NUP160: variants seen among roughly 807,000 people sequenced by gnomAD.
The protein encoded by NUP160 is nucleoporin 160.
A neutral mutation model predicts 196.9 loss-of-function variants in NUP160; 94 were observed. The ratio of observed to expected loss-of-function variants is 0.48; its 90% CI spans 0.40 to 0.57. The LOEUF (loss-of-function observed/expected upper bound fraction) is 0.57. Ranked by LOEUF, NUP160 falls within the 20% of genes least tolerant of loss-of-function variation. The probability of loss-of-function intolerance (pLI) is 0.00; values close to 1 mark genes in which losing one functional copy is unlikely to be tolerated. For synonymous variants in NUP160, 605 were observed against 619.7 expected, an observed-to-expected ratio of 0.98 and a Z score of 0.35; for missense variants, 1,638 against 1,748.3, an observed-to-expected ratio of 0.94 and a Z score of 1.13.
chr11:47,792,944 C>T, exon 28 of NUP160: 1 of 1,611,194 alleles, frequency 6.2e-7, no homozygotes, highest in Non-Finnish European at 8.5e-7. Context: ...ATCACTGTGC[C>T]AGCTATGAGG....
intron 31 of NUP160, 31 bp from the exon 32 acceptor site, chr11:47,786,585 C>T (rs746195981): frequency 1.5e-6 from 2 of 1,333,778 alleles, no homozygotes; most frequent in South Asian, 1.2e-5. Flanking sequence ...CACTTGAAAA[C>T]TGAACGCTGA....
chr11:47,817,613 G>A (rs1344402121), intron 11 of NUP160, among the ~76,000 whole-genome samples: 1 of 152,160 alleles, frequency 6.6e-6, no homozygotes, highest in Non-Finnish European at 1.5e-5. Context: ...CCGAAGTGCT[G>A]GGATTACAGG....
At chr11:47,792,901 A>T (rs1236477436) in exon 28 of NUP160, 1 of 1,613,970 alleles carries the variant, frequency 6.2e-7, no homozygotes, top group African/African-American at 1.3e-5. Context: ...GAGAGTTCGA[A>T]CTTCTCTGCC....
intron 2 of NUP160, chr11:47,841,319 T>TA: frequency 3.2e-6 from 1 of 316,962 alleles, no homozygotes; most frequent in Non-Finnish European, 6.5e-6. Context: ...ACTTCAGCCA[T>TA]AAAAATGGGC....
intron 7 of NUP160, among the ~76,000 whole-genome samples, chr11:47,822,498 C>A (rs554482977): frequency 4.0e-5 from 6 of 151,760 alleles, no homozygotes; most frequent in African/African-American, 1.5e-4. Flanking sequence ...CTTCATGATG[C>A]GCCTGCCTCG....
At position 47,780,444 on chromosome 11, in the gene NUP160, GAAACTAAAAGGAAAATGTTTATTTGA is replaced by G. The variant is rs1565183513; in HGVS notation, c.4117-23_4119del. 1 of 1,604,336 alleles carries G rather than the reference GAAACTAAAAGGAAAATGTTTATTTGA, an allele frequency of 6.2e-7. No individual in the cohort carries two copies. Among genetic ancestry groups the G allele is most frequent in the Non-Finnish European group, 8.5e-7 (1 of 1,171,384 alleles). On this transcript the variant is annotated splice_acceptor_variant and splice_polypyrimidine_tract_variant and coding_sequence_variant and intron_variant, in exon 35 of 36. Coordinates refer to ENST00000378460, the Ensembl canonical transcript of NUP160. LOFTEE classifies it high-confidence loss of function. ...ACCATTGGGGCTGTTGCGGACAGTG[GAAACTAAAAGGAAAATGTTTATTTGA>G]AAACAGTCTGCAAAGTGTACCATTT...
chr11:47,819,982 C>A (rs1308660003), intron 9 of NUP160, among the ~76,000 whole-genome samples: 1 of 152,226 alleles, frequency 6.6e-6, no homozygotes, highest in Admixed American at 6.5e-5. Context: ...GACTACTTTG[C>A]TCAAATGCCA....
intron 32 of NUP160, among the ~76,000 whole-genome samples, chr11:47,786,035 A>T (rs558391898): frequency 2.6e-5 from 4 of 152,330 alleles, no homozygotes; most frequent in African/African-American, 9.6e-5. Context: ...ATAGTGGATG[A>T]TGGGGGCTGA....
intron 7 of NUP160, among the ~76,000 whole-genome samples, chr11:47,830,169 T>C (rs1014907006): frequency 3.3e-5 from 5 of 152,132 alleles, no homozygotes; most frequent in African/African-American, 1.2e-4. Flanking sequence ...TGAGATACCA[T>C]CGCACAGCAG....
intron 7 of NUP160, among the ~76,000 whole-genome samples, chr11:47,826,895 T>A (rs1198805960): frequency 6.6e-6 from 1 of 152,122 alleles, no homozygotes; most frequent in East Asian, 1.9e-4. Flanking sequence ...CTGCATTATT[T>A]GCCTTTTTCA....
intron 28 of NUP160, 157 bp from the exon 29 acceptor site, chr11:47,792,147 G>C (rs1649053111): frequency 1.1e-5 from 6 of 560,540 alleles, no homozygotes; most frequent in Non-Finnish European, 1.9e-5. Context: ...GTAACTATGA[G>C]ACAAAGAAAG....
chr11:47,822,574 CTT>C (rs74613052), intron 7 of NUP160, among the ~76,000 whole-genome samples: 2 of 142,532 alleles, frequency 1.4e-5, no homozygotes, highest in African/African-American at 2.5e-5. Context: ...TTTTTCTTTT[CTT>C]TTTTTTTTTT....
intron 19 of NUP160, 86 bp from the exon 20 acceptor site, chr11:47,806,398 G>T: frequency 1.8e-6 from 2 of 1,087,596 alleles, no homozygotes; most frequent in Non-Finnish European, 2.7e-6. Flanking sequence ...TTTTATGCTT[G>T]TAACAAACAA....
At chr11:47,807,006 A>T in intron 19 of NUP160, 64 bp downstream of exon 19, 1 of 1,211,180 alleles carries the variant, frequency 8.3e-7, no homozygotes, top group Admixed American at 1.9e-5. Context: ...GCAAAAGACC[A>T]CTTTAATGAA....
intron 21 of NUP160, 56 bp downstream of exon 21, chr11:47,804,493 C>T: frequency 8.4e-7 from 1 of 1,187,682 alleles, no homozygotes; most frequent in South Asian, 1.5e-5. Context: ...GAAAAAAATT[C>T]AGCAATCCCA....
intron 2 of NUP160, 69 bp from the exon 3 acceptor site, chr11:47,840,657 G>C: frequency 7.9e-7 from 1 of 1,273,286 alleles, no homozygotes; most frequent in Non-Finnish European, 1.1e-6. Context: ...TGAAATATAT[G>C]AGAACAGTGT....
At chr11:47,786,400 G>T in intron 32 of NUP160, 53 bp downstream of exon 32, 1 of 1,100,656 alleles carries the variant, frequency 9.1e-7, no homozygotes, top group Non-Finnish European at 1.4e-6. Context: ...GAGAAAGACA[G>T]TTACAGCTTT....
intron 31 of NUP160, among the ~76,000 whole-genome samples, chr11:47,787,367 C>A (rs1005953309): frequency 1.3e-5 from 2 of 151,402 alleles, no homozygotes; most frequent in African/African-American, 4.9e-5. Context: ...GCATTACAGG[C>A]GTAAGCCACT....
intron 7 of NUP160, among the ~76,000 whole-genome samples, chr11:47,835,014 G>C (rs553732683): frequency 6.6e-6 from 1 of 152,242 alleles, no homozygotes; most frequent in African/African-American, 2.4e-5. Flanking sequence ...ACAGAAGTGA[G>C]AAGGGCATCC....
Sources: gnomAD v4.1 joint callset for allele counts (sites outside exome capture counted in the v4.1 genomes callset) on GRCh38, gnomAD v4.1.1 for gene constraint, MANE v1.5 for transcripts, NCBI Gene and HGNC (gene_info 2026-07-23, HGNC 2026-07-21) for gene names.